THSD7B: variants seen among roughly 807,000 people sequenced by gnomAD.
The protein encoded by THSD7B is thrombospondin type 1 domain containing 7B.
A neutral mutation model predicts 213.6 loss-of-function variants in THSD7B; 138 were observed. The observed-to-expected ratio is 0.65, with a 90% CI of 0.56 to 0.74. THSD7B has a LOEUF of 0.74. THSD7B is among the 30% of genes least tolerant of loss of function. THSD7B has a pLI of 0.00. For synonymous variants in THSD7B, 742 were observed against 687.0 expected (o/e 1.08, Z -1.25); for missense variants, 1,931 against 1,991.5 (o/e 0.97, Z 0.58).
rs182252130 is a variant in THSD7B at position 137,366,396 on chromosome 2, A to T, written c.2501-39217A>T. 3.6e-3 allele frequency among the ~76,000 whole-genome samples: 540 copies of T among 152,056 alleles called. 1 individual carries two copies. Among genetic ancestry groups the T allele is most frequent in the African/African-American group, 0.012 (499 of 41,520 alleles). ...CCTAGAACTTAAAGTATAATAATAA[A>T]AAAAAAAAGAATTTTAAGCCTCAGT... On this transcript the variant is annotated intron_variant, in intron 12 of 27. Transcript: ENST00000409968.
chr2:136,880,368 C>T (rs1683598217), intron 1 of THSD7B, among the ~76,000 whole-genome samples: 1 of 152,112 alleles, frequency 6.6e-6, no homozygotes, highest in Admixed American at 6.6e-5. Flanking sequence ...CCCTTCAGAT[C>T]CCCTTTTTAC....
At chr2:137,196,758 T>C (rs1680773653) in intron 7 of THSD7B, among the ~76,000 whole-genome samples, 1 of 152,132 alleles carries the variant, frequency 6.6e-6, no homozygotes, top group African/African-American at 2.4e-5. Flanking sequence ...AAAAGAAACA[T>C]AAATGAATGT....
Position 136,950,744 on chromosome 2 carries a change from C to T in THSD7B, c.139+68427C>T, listed in dbSNP as rs1308901798. Among the ~76,000 whole-genome samples the T allele has an allele frequency of 5.3e-5, 8 of 152,112 alleles. No individual in the cohort carries two copies. The East Asian group carries it at 1.4e-3, about 26-fold the overall frequency. The stretch of plus-strand genomic sequence containing the variant: ...GTAGATGGAGAAGAGGAAATCTAAG[C>T]ACAGATGGTGGTGTTCACTACTATT... On this transcript the variant is annotated intron_variant, in intron 2 of 27. Transcript: ENST00000409968.
At chr2:137,290,203 C>T (rs1683293565) in intron 12 of THSD7B, among the ~76,000 whole-genome samples, 1 of 151,430 alleles carries the variant, frequency 6.6e-6, no homozygotes, top group Non-Finnish European at 1.5e-5. Context: ...ATTCTCCTGC[C>T]TCAGCCTCCT....
intron 12 of THSD7B, among the ~76,000 whole-genome samples, chr2:137,282,462 G>A (rs1425810863): frequency 6.6e-6 from 1 of 152,148 alleles, no homozygotes; most frequent in Non-Finnish European, 1.5e-5. Flanking sequence ...TGGTGTTTTA[G>A]ACATGAAGTC....
At chr2:136,901,608 T>A (rs561983371) in intron 2 of THSD7B, among the ~76,000 whole-genome samples, 2 of 152,348 alleles carry the variant, frequency 1.3e-5, no homozygotes, top group South Asian at 4.1e-4. Context: ...AAAAAATTAT[T>A]GGGGAAGTGA....
chr2:136,862,539 C>G (rs1474220245), intron 1 of THSD7B, among the ~76,000 whole-genome samples: 2 of 152,102 alleles, frequency 1.3e-5, no homozygotes, highest in Non-Finnish European at 2.9e-5. Flanking sequence ...GGATGTTGAT[C>G]ACTGGGGAGC....
intron 2 of THSD7B, among the ~76,000 whole-genome samples, chr2:136,978,739 A>G (rs778554526): frequency 1.1e-4 from 17 of 152,142 alleles, no homozygotes; most frequent in Non-Finnish European, 2.1e-4. Flanking sequence ...CTCTTTATCC[A>G]GCTTGCCATT....
chr2:137,038,771 G>A (rs1376341823), intron 2 of THSD7B, among the ~76,000 whole-genome samples: 1 of 152,238 alleles, frequency 6.6e-6, no homozygotes, highest in African/African-American at 2.4e-5. Context: ...CTGCATAGCA[G>A]GCTATAGTGG....
intron 2 of THSD7B, among the ~76,000 whole-genome samples, chr2:136,916,523 CA>C (rs1684351405): frequency 6.6e-6 from 1 of 152,172 alleles, no homozygotes; most frequent in Non-Finnish European, 1.5e-5. Context: ...CTCAAAGTCA[CA>C]AAGTTTGTGA....
intron 15 of THSD7B, among the ~76,000 whole-genome samples, chr2:137,521,023 G>A (rs184206260): frequency 6.6e-6 from 1 of 152,290 alleles, no homozygotes; most frequent in East Asian, 1.9e-4. Context: ...CTGAGGTGGG[G>A]TTGGGGATTG....
At chr2:136,838,237 C>T (rs1418099146) in intron 1 of THSD7B, among the ~76,000 whole-genome samples, 2 of 152,000 alleles carry the variant, frequency 1.3e-5, no homozygotes, top group Admixed American at 1.3e-4. Flanking sequence ...CCCTGCTTTT[C>T]TTAAGATCTG....
At chr2:137,009,338 T>C (rs1686179439) in intron 2 of THSD7B, among the ~76,000 whole-genome samples, 1 of 152,190 alleles carries the variant, frequency 6.6e-6, no homozygotes, top group African/African-American at 2.4e-5. Flanking sequence ...AATCTTGGGA[T>C]CATTGACTCT....
At position 137,172,200 on chromosome 2, in the gene THSD7B, T is replaced by C. The variant is rs116205366; in HGVS notation, c.1723+1262T>C. On this transcript the variant is annotated intron_variant, in intron 7 of 27. Transcript: ENST00000409968. ...ACAGGGGTGCTAGGAGAATCTTTTG[T>C]TTTCATAGTTGGTCTTTAATCGTGG... Among the ~76,000 whole-genome samples, 1,275 of 152,272 alleles carry C rather than the reference T, an allele frequency of 8.4e-3. 21 individuals carry two copies. Among genetic ancestry groups the C allele is most frequent in the African/African-American group, 0.029 (1,203 of 41,556 alleles).
intron 2 of THSD7B, among the ~76,000 whole-genome samples, chr2:136,991,339 C>G (rs185233434): frequency 9.2e-5 from 14 of 152,154 alleles, no homozygotes; most frequent in South Asian, 2.1e-4. Flanking sequence ...GAAGGATATG[C>G]TTCTATGATA....
At chr2:137,591,980 A>G (rs1681874536) in intron 17 of THSD7B, among the ~76,000 whole-genome samples, 2 of 151,280 alleles carry the variant, frequency 1.3e-5, no homozygotes, top group South Asian at 4.2e-4. Context: ...AGAAGTATAG[A>G]TTAATATTTT....
intron 24 of THSD7B, among the ~76,000 whole-genome samples, chr2:137,657,905 G>T (rs897590455): frequency 6.6e-6 from 1 of 152,008 alleles, no homozygotes; most frequent in Non-Finnish European, 1.5e-5. Flanking sequence ...TACAGACAGG[G>T]TTTCACCATG....
chr2:137,633,795 A>G (rs1350735389), intron 20 of THSD7B, among the ~76,000 whole-genome samples: 1 of 152,182 alleles, frequency 6.6e-6, no homozygotes, highest in Non-Finnish European at 1.5e-5. Context: ...GCAAGAACAT[A>G]TGATATCATT....
chr2:137,542,616 T>G (rs1206238243), intron 15 of THSD7B, among the ~76,000 whole-genome samples: 1 of 151,728 alleles, frequency 6.6e-6, no homozygotes, highest in African/African-American at 2.4e-5. Context: ...ACATGGAGCA[T>G]TCTCCAGGGT....
Sources: allele counts gnomAD v4.1 joint callset (sites outside exome capture counted in the v4.1 genomes callset), GRCh38; gene constraint gnomAD v4.1.1; transcripts MANE v1.5; gene names NCBI Gene and HGNC (gene_info 2026-07-23, HGNC 2026-07-21).